Variants in KIRREL2 observed in about 807,000 individuals in gnomAD.
KIRREL2 encodes kirre like nephrin family adhesion molecule 2.
In KIRREL2, 56 loss-of-function variants were observed where a neutral mutation model predicts 73.4. That is an observed-to-expected ratio of 0.76 (90% CI 0.62 to 0.95). The LOEUF (loss-of-function observed/expected upper bound fraction) is 0.95, where lower values mean the gene tolerates loss of function less well. Ranked by LOEUF, KIRREL2 falls within the 40% of genes least tolerant of loss-of-function variation. The pLI is 0.00. For synonymous variants in KIRREL2, 407 were observed against 404.0 expected, an observed-to-expected ratio of 1.01 and a Z score of -0.09; for missense variants, 896 against 935.0, an observed-to-expected ratio of 0.96 and a Z score of 0.54.
At chr19:35,866,084 G>A in intron 14 of KIRREL2, 73 bp from the exon 15 acceptor site, 6 of 1,422,294 alleles carry the variant, frequency 4.2e-6, no homozygotes, top group Non-Finnish European at 5.8e-6. Flanking sequence ...CTATTTCAGT[G>A]TGTCTCTCCA....
At chr19:35,864,011 G>A (rs751155482) in intron 13 of KIRREL2, among the ~76,000 whole-genome samples, 29 of 151,370 alleles carry the variant, frequency 1.9e-4, no homozygotes, top group African/African-American at 6.1e-4. Context: ...TCCTGACCTC[G>A]TGATCCGCTC....
At chr19:35,861,352 G>A in intron 9 of KIRREL2, 98 bp downstream of exon 9, 1 of 1,502,884 alleles carries the variant, frequency 6.7e-7, no homozygotes, top group East Asian at 2.3e-5. Context: ...CCTGGAAGGA[G>A]CTTTACACCC....
chr19:35,866,355 A>C lies in KIRREL2; in HGVS notation c.1990A>C (p.Thr664Pro), dbSNP rs1366304770. The C allele has an allele frequency of 6.2e-7, 1 of 1,609,700 alleles. No individual in the cohort carries two copies. The highest frequency in any genetic ancestry group is 2.2e-5 in the East Asian group (1 of 44,704). Residue 664 changes from threonine to proline, a missense_variant, in exon 15 of 15, where the codon ACA becomes CCA. By Grantham distance (38) the Thr-to-Pro change is conservative. Transcript: ENST00000360202. Reference sequence around the variant, plus strand: ...CAGAGCCAGGGCAGGCTATCTCACCACACCCCACCCTCGAGCTTTCACCAG... The same window carrying C: ...CAGAGCCAGGGCAGGCTATCTCACCCCACCCCACCCTCGAGCTTTCACCAG... ...LYRARAGYLT[T>P]PHPRAFTSYI...
Position 35,861,801 on chromosome 19 carries a change from C to T in KIRREL2, c.1291-4C>T, listed in dbSNP as rs770318269. On this transcript the variant is annotated splice_region_variant and splice_polypyrimidine_tract_variant and intron_variant, in intron 10 of 14. Transcript: ENST00000360202. ...TCCGTGTCCTCCCTCTTTTGTGCCC[C>T]CAGGTCTGGTCTTGGGATGAGGGCT... 5.0e-6 allele frequency: 8 copies of T among 1,588,086 alleles called. No homozygotes were observed. The South Asian group carries it at 9.1e-5, about 18-fold the overall frequency.
Position 35,862,917 on chromosome 19 carries a change from T to A in KIRREL2, c.1616-10T>A. The stretch of plus-strand genomic sequence containing the variant: ...CCCATCGCTTAACTCCACCGGTCGC[T>A]GTTTGTCAGCCTCAGCCTCTTTCTC... On this transcript the variant is annotated splice_polypyrimidine_tract_variant and intron_variant, in intron 12 of 14. Coordinates refer to ENST00000360202, the MANE Select transcript of KIRREL2 (RefSeq NM_199180.4). 1 of 1,527,372 alleles carries A rather than the reference T, an allele frequency of 6.5e-7. No individual in the cohort carries two copies. The highest frequency in any genetic ancestry group is 8.9e-7 in the Non-Finnish European group (1 of 1,122,258). The allele number at this position is 1,527,372 out of a possible 1,614,324, so 94.6% of individuals were successfully genotyped here. A position where few individuals can be genotyped will look rare whatever the true frequency, so the allele number is the denominator to read the frequency against.
Position 35,861,116 on chromosome 19 carries a change from T to A in KIRREL2, c.1057-6T>A. ...TCCGGCTTCTGACGCCCCTTCCCTGTCGCAGGTGCTGGGCTCTGGAGCCAC... is the reference window on the plus strand; with the variant it reads ...TCCGGCTTCTGACGCCCCTTCCCTGACGCAGGTGCTGGGCTCTGGAGCCAC... On this transcript the variant is annotated splice_polypyrimidine_tract_variant and splice_region_variant and intron_variant, in intron 8 of 14. Coordinates refer to ENST00000360202, the MANE Select transcript of KIRREL2 (RefSeq NM_199180.4). The A allele has an allele frequency of 1.2e-6, 2 of 1,606,884 alleles. No individual in the cohort carries two copies. Among genetic ancestry groups the A allele is most frequent in the South Asian group, 1.1e-5 (1 of 90,520 alleles).
At chr19:35,860,264 C>G in intron 5 of KIRREL2, 33 bp from the exon 6 acceptor site, 1 of 1,580,684 alleles carries the variant, frequency 6.3e-7, no homozygotes. Context: ...GTTCCTGGTC[C>G]TTGCCCATCT....
upstream of KIRREL2, chr19:35,851,792 G>C (rs1568457956): frequency 6.4e-7 from 1 of 1,553,476 alleles, no homozygotes; most frequent in South Asian, 1.2e-5. Context: ...TCAGTCAGCA[G>C]CCCCAGGAGC....
chr19:35,865,298 C>G (rs1460942447), intron 14 of KIRREL2, among the ~76,000 whole-genome samples: 1 of 151,324 alleles, frequency 6.6e-6, no homozygotes, highest in Non-Finnish European at 1.5e-5. Flanking sequence ...GCCTCAGGCT[C>G]CCTAATAGCT....
At position 35,863,046 on chromosome 19, in the gene KIRREL2, C is replaced by G. The variant is rs1260099725; in HGVS notation, c.1725+10C>G. 1 of 1,479,756 alleles carries G rather than the reference C, an allele frequency of 6.8e-7. No homozygotes were observed. Among genetic ancestry groups the G allele is most frequent in the African/African-American group, 1.4e-5 (1 of 72,522 alleles). The allele number at this position is 1,479,756 out of a possible 1,614,324, so 91.7% of individuals were successfully genotyped here. A position where few individuals can be genotyped will look rare whatever the true frequency, so the allele number is the denominator to read the frequency against. ...CAGCCGCGAGGACCGGGTAGGATGC[C>G]AGGGTCCCCAGACCTGACTGTGCCT... On this transcript the variant is annotated intron_variant, in intron 13 of 14. Coordinates refer to ENST00000360202, the MANE Select transcript of KIRREL2 (RefSeq NM_199180.4).
intron 2 of KIRREL2, 146 bp downstream of exon 2, chr19:35,857,640 T>G: frequency 1.1e-6 from 1 of 874,198 alleles, no homozygotes; most frequent in Non-Finnish European, 1.7e-6. Flanking sequence ...ATTTTTGAGC[T>G]GCTTCTTTGG....
intron 14 of KIRREL2, 65 bp downstream of exon 14, chr19:35,864,778 T>C (rs1663355314): frequency 7.8e-7 from 1 of 1,287,500 alleles, no homozygotes; most frequent in South Asian, 1.2e-5. Flanking sequence ...TTCATTGTGT[T>C]TCCGTCTCTC....
chr19:35,857,298 G>T (rs1268688646), intron 1 of KIRREL2, 47 bp from the exon 2 acceptor site: 2 of 1,610,344 alleles, frequency 1.2e-6, no homozygotes, highest in Non-Finnish European at 8.5e-7. Flanking sequence ...GAATGAGGAG[G>T]CCCCTGAAGG....
At position 35,862,605 on chromosome 19, in the gene KIRREL2, C is replaced by CCTGA; in HGVS notation, c.1615+9_1615+12dup. 1 of 1,594,830 alleles carries CCTGA rather than the reference C, an allele frequency of 6.3e-7. No individual in the cohort carries two copies. Among genetic ancestry groups the CCTGA allele is most frequent in the Non-Finnish European group, 8.5e-7 (1 of 1,170,554 alleles). On this transcript the variant is annotated intron_variant, in intron 12 of 14. Coordinates refer to ENST00000360202, the MANE Select transcript of KIRREL2 (RefSeq NM_199180.4). ...GCTGGCGCCACAGCAAGGGTTAGTGCCTGAGCCCCGCCCCGGCTCCCGAGG... is the reference window on the plus strand; with the variant it reads ...GCTGGCGCCACAGCAAGGGTTAGTGCCTGACTGAGCCCCGCCCCGGCTCCCGAGG...
At chr19:35,852,092 T>C (rs1319187437), upstream of KIRREL2, among the ~76,000 whole-genome samples, 1 of 145,710 alleles carries the variant, frequency 6.9e-6, no homozygotes, top group Non-Finnish European at 1.5e-5. Flanking sequence ...TTTTCTTTTT[T>C]TTTTCTTTTT....
intron 7 of KIRREL2, 104 bp downstream of exon 7, chr19:35,860,771 G>T: frequency 1.9e-6 from 3 of 1,583,014 alleles, no homozygotes; most frequent in Admixed American, 3.4e-5. Flanking sequence ...CGAGCGTGGG[G>T]TATTAGGAGG....
upstream of KIRREL2, among the ~76,000 whole-genome samples, chr19:35,854,037 G>T (rs1043789024): frequency 1.3e-5 from 2 of 152,028 alleles, no homozygotes; most frequent in South Asian, 4.1e-4. Context: ...TAGAGACGGG[G>T]TTTCGCCATG....
intron 1 of KIRREL2, 30 bp downstream of exon 1, chr19:35,857,210 G>A (rs1973459113): frequency 6.3e-6 from 10 of 1,586,716 alleles, no homozygotes; most frequent in Non-Finnish European, 8.6e-6. Flanking sequence ...GAGGAATATG[G>A]GGTGGGGGTG....
At position 35,857,407 on chromosome 19, in the gene KIRREL2, C is replaced by CG. The variant is rs764995837; in HGVS notation, c.126dup (p.Leu43AlafsTer16). 1 of 1,612,892 alleles carries CG rather than the reference C, an allele frequency of 6.2e-7. No homozygotes were observed. The highest frequency in any genetic ancestry group is 1.3e-5 in the African/African-American group (1 of 74,876). ...GGTGGTGCTGCTGGGGGAGGAAGCC[C>CG]GGCTGCCGTGTGCTCTGGGCGCCTA... On this transcript the variant is annotated frameshift_variant, in exon 2 of 15. Transcript: ENST00000360202. LOFTEE classifies it high-confidence loss of function.
Sources: allele counts gnomAD v4.1 joint callset (sites outside exome capture counted in the v4.1 genomes callset), GRCh38; gene constraint gnomAD v4.1.1; transcripts MANE v1.5; gene names NCBI Gene and HGNC (gene_info 2026-07-23, HGNC 2026-07-21).